The following PACS2 variants were observed in gnomAD, a reference collection of about 807,000 sequenced individuals.
PACS2 encodes the protein phosphofurin acidic cluster sorting protein 2.
Under a neutral mutation model 113.0 loss-of-function variants are expected in PACS2, and 36 were observed. The observed-to-expected ratio is 0.32, with a 90% CI of 0.24 to 0.42. PACS2 has a LOEUF of 0.42. Among genes scored for constraint, PACS2 ranks in the 10% least tolerant of loss-of-function variants. PACS2 has a pLI of 1.00. For missense variants in PACS2, 1,015 were observed against 1,239.5 expected (o/e 0.82, Z 2.72); for synonymous variants, 589 against 536.1 (o/e 1.10, Z -1.36).
chr14:105,370,920 G>A (rs1370928385), intron 8 of PACS2: 1 of 152,284 alleles, frequency 6.6e-6, no homozygotes, highest in Admixed American at 6.5e-5. Flanking sequence ...GAAGTGGAGA[G>A]GTGGCGTTTA....
chr14:105,336,601 GT>G (rs1229923662), intron 1 of PACS2: 11 of 152,406 alleles, frequency 7.2e-5, no homozygotes, highest in Admixed American at 7.2e-4. Flanking sequence ...AACTCAGTGA[GT>G]GAATGAGTGA....
chr14:105,318,332 G>C (rs916893138), intron 1 of PACS2, among the ~76,000 whole-genome samples: 1 of 152,194 alleles, frequency 6.6e-6, no homozygotes, highest in Non-Finnish European at 1.5e-5. Context: ...CCAGACTGGG[G>C]TGCAGTGGCT....
chr14:105,312,832 G>GGT (rs1260176595), upstream of PACS2, among the ~76,000 whole-genome samples: 1 of 152,190 alleles, frequency 6.6e-6, no homozygotes, highest in Non-Finnish European at 1.5e-5. Context: ...CGTGACACAT[G>GGT]GTGTGTTTCG....
intron 8 of PACS2, among the ~76,000 whole-genome samples, chr14:105,373,723 A>G (rs1555409810): frequency 6.6e-6 from 1 of 152,040 alleles, no homozygotes; most frequent in East Asian, 1.9e-4. Context: ...AGGAGGTGGA[A>G]GCTGCAGTGA....
intron 22 of PACS2, 103 bp from the exon 23 acceptor site, chr14:105,392,516 C>A: frequency 9.7e-7 from 1 of 1,028,298 alleles, no homozygotes; most frequent in Non-Finnish European, 1.4e-6. Flanking sequence ...GGCAAGTTGG[C>A]ACAGGTGCTG....
At chr14:105,335,778 T>C (rs1316068071) in intron 1 of PACS2, among the ~76,000 whole-genome samples, 2 of 152,224 alleles carry the variant, frequency 1.3e-5, no homozygotes, top group African/African-American at 4.8e-5. Context: ...CAGATAAGGC[T>C]GTACATCAGA....
chr14:105,379,904 C>A, intron 10 of PACS2, 75 bp downstream of exon 10: 2 of 1,464,846 alleles, frequency 1.4e-6, no homozygotes, highest in Non-Finnish European at 1.9e-6. Flanking sequence ...AATCTCCCAG[C>A]ATGTCCTGGG....
In PACS2 at chr14:105,380,968, C is replaced by A; in HGVS notation, c.1137C>A (p.Gly379=). The change falls in exon 12 of 25, where the codon GGC becomes GGA. Residue 379 remains glycine (G), a synonymous_variant. Coordinates refer to ENST00000447393, the MANE Select transcript of PACS2 (RefSeq NM_001100913.3). ...VSDTVALGVP[G]PREHPGQPED... ...TCTCTGCTCAGCAGGGTGTGCCAGG[C>A]CCGAGGGAGCACCCTGGACAGCCTG... 6.2e-7 allele frequency: 1 copy of A among 1,610,918 alleles called. No individual in the cohort carries two copies. Among genetic ancestry groups the A allele is most frequent in the East Asian group, 2.2e-5 (1 of 44,816 alleles).
rs1555416732 is a variant in PACS2, at chr14:105,396,408, C to G, written c.*1736C>G. ...AGCCCCGGGCTGATGGCCTCTGACC[C>G]CGGCAACAGGTGGGACCCTGACTGA... On this transcript the variant is annotated 3_prime_UTR_variant, in exon 25 of 25. Coordinates refer to ENST00000447393, the MANE Select transcript of PACS2 (RefSeq NM_001100913.3). The G allele has an allele frequency of 6.6e-6, 1 of 152,302 alleles. No homozygotes were observed. The highest frequency in any genetic ancestry group is 2.4e-5 in the African/African-American group (1 of 41,436). The allele number at this position is 152,302 out of a possible 1,614,324, so 9.4% of individuals were successfully genotyped here.
intron 1 of PACS2, among the ~76,000 whole-genome samples, chr14:105,306,256 T>C (rs181934432): frequency 6.6e-6 from 1 of 152,266 alleles, no homozygotes; most frequent in East Asian, 1.9e-4. Context: ...TCCTGGAGGC[T>C]TTCTTCATTC....
rs1423153672 is a variant in PACS2, at chr14:105,381,160, C to T, written c.1268+61C>T. 33 of 1,495,776 alleles carry T rather than the reference C, an allele frequency of 2.2e-5. No homozygotes were observed. In the East Asian group the frequency reaches 2.3e-4, roughly 11 times the overall value. The allele number at this position is 1,495,776 out of a possible 1,614,324, so 92.7% of individuals were successfully genotyped here. The stretch of plus-strand genomic sequence containing the variant: ...GCACCTGTCGGGGGAGGGGCCGTCA[C>T]GGGCATCAGTCGGGGTGGGTGCGTG... On this transcript the variant is annotated intron_variant, in intron 12 of 24. Transcript: ENST00000447393.
rs1330015149 is a variant in PACS2, at chr14:105,314,935, G to T, written c.17G>T (p.Arg6Leu). 4.4e-6 allele frequency: 5 copies of T among 1,129,720 alleles called. No homozygotes were observed. Among genetic ancestry groups the T allele is most frequent in the East Asian group, 7.1e-5 (1 of 14,002 alleles). 70.0% of individuals were successfully genotyped at this position (1,129,720 alleles called of 1,614,324 possible). A position where few individuals can be genotyped will look rare whatever the true frequency, so the allele number is the denominator to read the frequency against. Residue 6 changes from arginine to leucine, a missense_variant, in exon 1 of 25, where the codon CGC (arginine) becomes CTC (leucine). Arg to Leu is a moderately radical substitution (Grantham distance 102). Coordinates refer to ENST00000447393, the MANE Select transcript of PACS2 (RefSeq NM_001100913.3). MAERG[R>L]LGLPGAPGAL... is the part of the protein sequence containing the mutation. ...GCCGGCGCCATGGCCGAGCGAGGCC[G>T]CCTCGGCCTCCCCGGCGCGCCCGGC...
At chr14:105,313,926 C>T (rs2058429962), upstream of PACS2, among the ~76,000 whole-genome samples, 2 of 152,256 alleles carry the variant, frequency 1.3e-5, no homozygotes, top group South Asian at 4.1e-4. Context: ...TGCTTGGGTC[C>T]CCAAGTTCAC....
intron 1 of PACS2, among the ~76,000 whole-genome samples, chr14:105,345,142 C>T (rs1291147068): frequency 6.7e-6 from 1 of 148,914 alleles, no homozygotes; most frequent in African/African-American, 2.5e-5. Flanking sequence ...CGCAGTGGCT[C>T]AACGCCTGTA....
At chr14:105,312,674 C>T (rs2058376803), upstream of PACS2, among the ~76,000 whole-genome samples, 1 of 152,200 alleles carries the variant, frequency 6.6e-6, no homozygotes, top group Non-Finnish European at 1.5e-5. Context: ...CATCATTTTC[C>T]GACAGAGGAG....
chr14:105,392,420 G>T (rs2081391773), intron 22 of PACS2, 199 bp from the exon 23 acceptor site: 1 of 592,524 alleles, frequency 1.7e-6, no homozygotes, highest in African/African-American at 1.9e-5. Context: ...CAGGGTCCCT[G>T]TAATTTAAGC....
intron 1 of PACS2, among the ~76,000 whole-genome samples, chr14:105,343,015 A>G (rs1483705273): frequency 2.6e-5 from 4 of 151,822 alleles, no homozygotes; most frequent in Admixed American, 2.0e-4. Context: ...TCTGAGCTTA[A>G]CATCCACCAT....
chr14:105,365,997 AT>A lies in PACS2; in HGVS notation c.424-1209del, dbSNP rs775994619. On this transcript the variant is annotated intron_variant, in intron 4 of 24. Coordinates refer to ENST00000447393, the MANE Select transcript of PACS2 (RefSeq NM_001100913.3). This position sits in a 1 kb window ranked among gnomAD's most constrained non-coding sequence, Gnocchi z 5.1. The stretch of plus-strand genomic sequence containing the variant: ...TGAGGGCAAATGTAAACTTTTAAAC[AT>A]TTTTTTACCTTGATTAATTGAAGAA... 6.6e-6 allele frequency among the ~76,000 whole-genome samples: 1 copy of A among 152,170 alleles called. No individual in the cohort carries two copies. The highest frequency in any genetic ancestry group is 2.4e-5 in the African/African-American group (1 of 41,440).
chr14:105,345,346 G>A (rs587604584), intron 1 of PACS2, among the ~76,000 whole-genome samples: 4 of 152,130 alleles, frequency 2.6e-5, no homozygotes, highest in African/African-American at 9.6e-5. Flanking sequence ...GGCGGAGCTT[G>A]CAGTGAGCTG....
Sources: gnomAD v4.1 joint callset for allele counts (sites outside exome capture counted in the v4.1 genomes callset) on GRCh38, gnomAD v4.1.1 for gene constraint, Gnocchi (gnomAD v3.1) non-coding constraint, MANE v1.5 for transcripts, NCBI Gene and HGNC (gene_info 2026-07-23, HGNC 2026-07-21) for gene names.